The following ZMYND8 variants were observed in gnomAD, a reference collection of about 807,000 sequenced individuals.
ZMYND8 encodes the protein MYND-type zinc finger-containing chromatin reader ZMYND8.
ZMYND8 carries 37 observed loss-of-function variants against 140.8 expected under a neutral mutation model. That is an observed-to-expected ratio of 0.26 (90% CI 0.20 to 0.35). The LOEUF is 0.35. Ranked by LOEUF, ZMYND8 falls within the 10% of genes least tolerant of loss-of-function variation. The pLI is 1.00. For missense variants in ZMYND8, 1,068 were observed against 1,570.0 expected (o/e 0.68, Z 5.40); for synonymous variants, 592 against 597.1 (o/e 0.99, Z 0.12).
chr20:47,221,036 C>T (rs781385746), intron 20 of ZMYND8, among the ~76,000 whole-genome samples: 8 of 152,178 alleles, frequency 5.3e-5, no homozygotes, highest in African/African-American at 1.4e-4. Context: ...CCATTCTGGA[C>T]GGGAAGTACA....
intron 2 of ZMYND8, among the ~76,000 whole-genome samples, chr20:47,310,640 G>A (rs1215344785): frequency 6.6e-6 from 1 of 151,984 alleles, no homozygotes; most frequent in Non-Finnish European, 1.5e-5. Context: ...ACAAAAATTA[G>A]CCTGGTGTGG....
At chr20:47,242,354 G>A (rs2040074431) in intron 14 of ZMYND8, among the ~76,000 whole-genome samples, 1 of 152,166 alleles carries the variant, frequency 6.6e-6, no homozygotes, top group African/African-American at 2.4e-5. Flanking sequence ...GGTGGGTCTG[G>A]AAGGAGAGCT....
At chr20:47,290,834 G>A (rs981518378) in intron 6 of ZMYND8, among the ~76,000 whole-genome samples, 5 of 151,796 alleles carry the variant, frequency 3.3e-5, no homozygotes, top group East Asian at 1.9e-4. Flanking sequence ...CAGATGATCC[G>A]CCCGCCTCAG....
At chr20:47,240,378 G>A (rs1266088293) in intron 14 of ZMYND8, among the ~76,000 whole-genome samples, 2 of 151,838 alleles carry the variant, frequency 1.3e-5, no homozygotes, top group Admixed American at 6.6e-5. Flanking sequence ...GCCGGGTGCG[G>A]TGGCAGGCGC....
intron 7 of ZMYND8, among the ~76,000 whole-genome samples, chr20:47,288,923 G>A (rs1319983676): frequency 2.0e-5 from 3 of 152,004 alleles, no homozygotes; most frequent in Non-Finnish European, 2.9e-5. Context: ...CCAATATGGC[G>A]AAACCCCATC....
At chr20:47,295,131 G>A (rs867269380) in intron 4 of ZMYND8, among the ~76,000 whole-genome samples, 7 of 152,336 alleles carry the variant, frequency 4.6e-5, no homozygotes, top group East Asian at 1.9e-4. Context: ...GGTGGCTCAC[G>A]CCTGTAATCC....
At chr20:47,295,380 G>A (rs534522729) in intron 4 of ZMYND8, among the ~76,000 whole-genome samples, 5 of 152,302 alleles carry the variant, frequency 3.3e-5, no homozygotes, top group South Asian at 2.1e-4. Context: ...GTGACAGAGC[G>A]AGACCCTGTC....
Position 47,239,118 on chromosome 20 carries a change from A to ATCC in ZMYND8, c.2304_2305insGGA (p.Pro768_Ser769insGly), listed in dbSNP as rs2039628161. On this transcript the variant is annotated inframe_insertion, in exon 15 of 23. Coordinates refer to ENST00000471951, the MANE Select transcript of ZMYND8 (RefSeq NM_001281775.3). The stretch of plus-strand genomic sequence containing the variant: ...GGAGAATGGCTGCCCACCGTCGTGG[A>ATCC]TGGTGGAGTTTTACCTACAACTAGC... The ATCC allele has an allele frequency of 6.6e-7, 1 of 1,503,764 alleles. No homozygotes were observed. The allele number at this position is 1,503,764 out of a possible 1,614,324, so 93.2% of individuals were successfully genotyped here. A position where few individuals can be genotyped will look rare whatever the true frequency, so the allele number is the denominator to read the frequency against.
At chr20:47,313,694 G>A (rs1272083714) in intron 2 of ZMYND8, among the ~76,000 whole-genome samples, 1 of 151,954 alleles carries the variant, frequency 6.6e-6, no homozygotes, top group Non-Finnish European at 1.5e-5. Context: ...CACTTTGGGA[G>A]GCCGAGGCAA....
intron 5 of ZMYND8, among the ~76,000 whole-genome samples, chr20:47,293,148 A>AAGGAAGGAAGGAAGGAAGGG (rs2077390073): frequency 1.2e-5 from 1 of 83,322 alleles, no homozygotes; most frequent in Admixed American, 1.3e-4. Context: ...GGAAGGAAGG[A>AAGGAAGGAAGGAAGGAAGGG]AGGGAGGGAG....
intron 11 of ZMYND8, among the ~76,000 whole-genome samples, chr20:47,264,665 G>A (rs568430362): frequency 2.3e-5 from 2 of 85,724 alleles, no homozygotes; most frequent in South Asian, 6.0e-4. Flanking sequence ...TTCCTTCACT[G>A]GGGGGGGCTG....
intron 2 of ZMYND8, among the ~76,000 whole-genome samples, chr20:47,311,645 T>C (rs1601817644): frequency 6.6e-6 from 1 of 152,042 alleles, no homozygotes; most frequent in Non-Finnish European, 1.5e-5. Context: ...TCACGAACAA[T>C]GGCGGGAGGT....
At chr20:47,345,377 A>T (rs890843967) in intron 2 of ZMYND8, among the ~76,000 whole-genome samples, 2 of 152,162 alleles carry the variant, frequency 1.3e-5, no homozygotes, top group African/African-American at 2.4e-5. Context: ...GGTGAACAGA[A>T]CATCACAAAG....
intron 8 of ZMYND8, among the ~76,000 whole-genome samples, chr20:47,284,732 C>T (rs1372518317): frequency 1.3e-5 from 2 of 152,076 alleles, no homozygotes; most frequent in Admixed American, 6.6e-5. Context: ...ATTTATTGTC[C>T]TTTTCTCTCA....
intron 2 of ZMYND8, among the ~76,000 whole-genome samples, chr20:47,317,791 A>G (rs367736702): frequency 1.3e-5 from 2 of 152,178 alleles, no homozygotes; most frequent in East Asian, 1.9e-4. Flanking sequence ...TTCTGGCGTC[A>G]AAATGCATGC....
rs1291679892 is a variant in ZMYND8, at chr20:47,318,519, C to A, written c.86-8315G>T. Reference sequence around the variant, plus strand: ...CTGGCAGAGCATAGAAGTAAGAAATCAGGAGCAAAGGTTGGGGGTGGGGAG... The same window carrying A: ...CTGGCAGAGCATAGAAGTAAGAAATAAGGAGCAAAGGTTGGGGGTGGGGAG... On this transcript the variant is annotated intron_variant, in intron 2 of 22. Transcript: ENST00000471951. 14 of 355,712 alleles carry A rather than the reference C, an allele frequency of 3.9e-5. No individual in the cohort carries two copies. In the Admixed American group the frequency reaches 5.0e-4, roughly 13 times the overall value. The allele number at this position is 355,712 out of a possible 1,614,324, so 22.0% of individuals were successfully genotyped here. A position where few individuals can be genotyped will look rare whatever the true frequency, so the allele number is the denominator to read the frequency against.
chr20:47,212,154 A>C (rs957021176), intron 22 of ZMYND8, among the ~76,000 whole-genome samples: 1 of 152,118 alleles, frequency 6.6e-6, no homozygotes, highest in Non-Finnish European at 1.5e-5. Context: ...CTGGGAGAAA[A>C]TCCTACAGTG....
At chr20:47,321,310 AAGCAGTATC>A (rs1271084402) in intron 2 of ZMYND8, among the ~76,000 whole-genome samples, 4 of 152,176 alleles carry the variant, frequency 2.6e-5, no homozygotes, top group African/African-American at 9.6e-5. Flanking sequence ...GAAGAGTGGA[AAGCAGTATC>A]AGCACACCCA....
intron 16 of ZMYND8, 91 bp downstream of exon 16, chr20:47,236,235 T>A (rs1398752430): frequency 1.8e-5 from 28 of 1,518,936 alleles, no homozygotes. Flanking sequence ...GACTGCAAGG[T>A]TAAGACGCTC....
Sources: allele counts gnomAD v4.1 joint callset (sites outside exome capture counted in the v4.1 genomes callset), GRCh38; gene constraint gnomAD v4.1.1; transcripts MANE v1.5; gene names NCBI Gene and HGNC (gene_info 2026-07-23, HGNC 2026-07-21).